Variants in TOP6BL observed in about 807,000 individuals in gnomAD.
TOP6BL encodes the protein TOP6B like initiator of meiotic double strand breaks, also known as type 2 DNA topoisomerase 6 subunit B-like.
the TOP6BL span, among the ~76,000 whole-genome samples, chr11:66,779,561 G>A: frequency 8.5e-4 from 130 of 152,282 alleles, no homozygotes; most frequent in African/African-American, 2.9e-3. Flanking sequence ...TACACTGTTG[G>A]TGGGACTGTA....
the TOP6BL span, among the ~76,000 whole-genome samples, chr11:66,824,576 C>T: frequency 6.6e-6 from 1 of 150,954 alleles, no homozygotes; most frequent in Non-Finnish European, 1.5e-5. Context: ...AGGTATACCT[C>T]CTAATGCTAT....
the TOP6BL span, among the ~76,000 whole-genome samples, chr11:66,751,498 AT>A: frequency 3.8e-3 from 511 of 135,848 alleles, no homozygotes; most frequent in South Asian, 8.0e-3. Context: ...TGGCTGACTA[AT>A]TTTTTTTTTT....
At chr11:66,761,122 A>T in the TOP6BL span, among the ~76,000 whole-genome samples, 2 of 152,066 alleles carry the variant, frequency 1.3e-5, no homozygotes, top group African/African-American at 4.8e-5. Flanking sequence ...CTGTAATCCC[A>T]GCACTTTGGG....
the TOP6BL span, among the ~76,000 whole-genome samples, chr11:66,779,018 TG>T: frequency 6.6e-6 from 1 of 152,184 alleles, no homozygotes; most frequent in Non-Finnish European, 1.5e-5. Flanking sequence ...TAATTCAAGA[TG>T]GATTAAAGAT....
At chr11:66,805,414 T>C in the TOP6BL span, among the ~76,000 whole-genome samples, 1 of 148,730 alleles carries the variant, frequency 6.7e-6, no homozygotes, top group South Asian at 2.1e-4. Flanking sequence ...TTCTATTCTA[T>C]GTCTGTCTAG....
the TOP6BL span, among the ~76,000 whole-genome samples, chr11:66,811,364 G>T: frequency 1.3e-5 from 2 of 152,040 alleles, no homozygotes; most frequent in Non-Finnish European, 2.9e-5. Context: ...GCTAATTTTC[G>T]TATTTTTAAT....
chr11:66,755,176 A>G, the TOP6BL span, among the ~76,000 whole-genome samples: 9 of 149,244 alleles, frequency 6.0e-5, no homozygotes, highest in Admixed American at 6.7e-5. Context: ...CTGGAGGTGC[A>G]GTGGTGTGAT....
At chr11:66,832,345 C>T in the TOP6BL span, among the ~76,000 whole-genome samples, 13 of 152,116 alleles carry the variant, frequency 8.5e-5, no homozygotes, top group Non-Finnish European at 1.5e-4. Context: ...CGTGATCCTC[C>T]GGCCTCGGCC....
the TOP6BL span, among the ~76,000 whole-genome samples, chr11:66,761,187 C>A: frequency 6.6e-6 from 1 of 151,732 alleles, no homozygotes; most frequent in Non-Finnish European, 1.5e-5. Flanking sequence ...CTGGCTAACA[C>A]GGTGAAACCC....
At chr11:66,760,106 T>C in the TOP6BL span, among the ~76,000 whole-genome samples, 1 of 152,208 alleles carries the variant, frequency 6.6e-6, no homozygotes, top group Non-Finnish European at 1.5e-5. Context: ...CCAGACTAAA[T>C]CTGGAATATT....
At chr11:66,839,541 T>C in the TOP6BL span, among the ~76,000 whole-genome samples, 2 of 152,162 alleles carry the variant, frequency 1.3e-5, no homozygotes, top group African/African-American at 4.8e-5. Flanking sequence ...CTTTCTAGGG[T>C]CACAACCACA....
the TOP6BL span, among the ~76,000 whole-genome samples, chr11:66,806,148 C>T: frequency 2.0e-5 from 3 of 152,074 alleles, no homozygotes; most frequent in Non-Finnish European, 4.4e-5. Flanking sequence ...AGGTAAGAGT[C>T]GTGTAGTGCT....
the TOP6BL span, chr11:66,821,614 T>C: frequency 2.5e-6 from 4 of 1,572,196 alleles, no homozygotes; most frequent in Admixed American, 7.5e-5. Context: ...GTAGATATAG[T>C]GATAATTTTA....
chr11:66,813,256 C>T, the TOP6BL span, among the ~76,000 whole-genome samples: 4 of 152,144 alleles, frequency 2.6e-5, no homozygotes, highest in Admixed American at 6.5e-5. Context: ...GAACTTAGAA[C>T]TTAAAACAAT....
the TOP6BL span, among the ~76,000 whole-genome samples, chr11:66,762,944 C>T: frequency 6.6e-6 from 1 of 152,172 alleles, no homozygotes; most frequent in African/African-American, 2.4e-5. Context: ...GTGTCTCACA[C>T]CTATAATACC....
chr11:66,820,608 G>A, the TOP6BL span, among the ~76,000 whole-genome samples: 1 of 152,170 alleles, frequency 6.6e-6, no homozygotes, highest in African/African-American at 2.4e-5. Context: ...ACAGTTCTGT[G>A]TCATCTCTGT....
the TOP6BL span, among the ~76,000 whole-genome samples, chr11:66,772,836 C>G: frequency 6.6e-6 from 1 of 152,120 alleles, no homozygotes; most frequent in Admixed American, 6.5e-5. Context: ...CTTGTAATGT[C>G]TTTGTCTTTT....
chr11:66,828,384 A>G, the TOP6BL span: 16 of 1,570,002 alleles, frequency 1.0e-5, no homozygotes, highest in East Asian at 3.1e-4. Context: ...AATAATCAGT[A>G]CTTTGGTGGG....
the TOP6BL span, among the ~76,000 whole-genome samples, chr11:66,798,750 A>G: frequency 6.6e-6 from 1 of 152,134 alleles, no homozygotes; most frequent in African/African-American, 2.4e-5. Flanking sequence ...GCAAGCATTA[A>G]GTATGTTTAG....
Sources: gnomAD v4.1 joint callset for allele counts (sites outside exome capture counted in the v4.1 genomes callset) on GRCh38, gnomAD v4.1.1 for gene constraint, MANE v1.5 for transcripts, NCBI Gene and HGNC (gene_info 2026-07-23, HGNC 2026-07-21) for gene names.